CELF2: variants seen among roughly 807,000 people sequenced by gnomAD.
CELF2 encodes the protein CUGBP Elav-like family member 2, also known as CUG triplet repeat RNA-binding protein 2.
In CELF2, 8 loss-of-function variants were observed where a neutral mutation model predicts 62.6. That is an observed-to-expected ratio of 0.13 (90% CI 0.07 to 0.23). The LOEUF (loss-of-function observed/expected upper bound fraction) is 0.23, where lower values mean the gene tolerates loss of function less well. CELF2 is among the 10% of genes least tolerant of loss of function. The pLI, the probability that CELF2 is intolerant of heterozygous loss-of-function variation, is 1.00. For synonymous variants in CELF2, 258 were observed against 250.0 expected (o/e 1.03, Z -0.30); for missense variants, 333 against 671.0 (o/e 0.50, Z 5.56).
At chr10:10,557,440 T>C in the CELF2 span, among the ~76,000 whole-genome samples, 1 of 142,384 alleles carries the variant, frequency 7.0e-6, no homozygotes, top group Non-Finnish European at 1.5e-5. Flanking sequence ...ACTGTAGCCT[T>C]GCAGTAAAGT....
the CELF2 span, among the ~76,000 whole-genome samples, chr10:10,679,993 T>C: frequency 6.6e-6 from 1 of 152,270 alleles, no homozygotes; most frequent in East Asian, 1.9e-4. Context: ...GAAGAGTATA[T>C]AAAATGTATA....
the CELF2 span, among the ~76,000 whole-genome samples, chr10:10,730,071 A>T: frequency 5.3e-5 from 8 of 152,200 alleles, no homozygotes; most frequent in African/African-American, 1.9e-4. Flanking sequence ...AGATTACGGA[A>T]GTTCTGGAAA....
the CELF2 span, among the ~76,000 whole-genome samples, chr10:10,499,578 G>A: frequency 3.9e-5 from 6 of 152,208 alleles, no homozygotes; most frequent in South Asian, 1.2e-3. Flanking sequence ...CTGGGATGAT[G>A]TGCAGAAATA....
chr10:10,465,099 C>G, the CELF2 span, among the ~76,000 whole-genome samples: 1 of 152,080 alleles, frequency 6.6e-6, no homozygotes, highest in Non-Finnish European at 1.5e-5. Context: ...TACACACAGA[C>G]ATATGGACAA....
At chr10:10,759,140 G>C in the CELF2 span, among the ~76,000 whole-genome samples, 2 of 152,052 alleles carry the variant, frequency 1.3e-5, no homozygotes, top group African/African-American at 4.8e-5. Flanking sequence ...GCATGCAAAT[G>C]CATCATTGAA....
At chr10:10,519,225 G>A in the CELF2 span, among the ~76,000 whole-genome samples, 1 of 152,138 alleles carries the variant, frequency 6.6e-6, no homozygotes, top group Admixed American at 6.6e-5. Context: ...GCAGAGTCGA[G>A]GCTGATCTCT....
the CELF2 span, among the ~76,000 whole-genome samples, chr10:10,593,783 G>T: frequency 6.0e-4 from 91 of 152,346 alleles, no homozygotes; most frequent in South Asian, 0.013. Context: ...GAGATGGACA[G>T]AGCTGGATTT....
At chr10:10,696,830 C>T in the CELF2 span, among the ~76,000 whole-genome samples, 2 of 152,208 alleles carry the variant, frequency 1.3e-5, no homozygotes, top group Admixed American at 1.3e-4. Context: ...AATGCCTTGC[C>T]CTGCTTCGGC....
chr10:10,720,228 G>A, the CELF2 span, among the ~76,000 whole-genome samples: 6 of 152,190 alleles, frequency 3.9e-5, no homozygotes, highest in East Asian at 1.2e-3. Context: ...TAGGCTCATT[G>A]AATTAAATAA....
chr10:10,935,474 T>A (rs1185027092), intron 2 of CELF2: 1 of 152,134 alleles, frequency 6.6e-6, no homozygotes, highest in Non-Finnish European at 1.5e-5. Context: ...GCATAACAGG[T>A]AAGGGAAAAT....
chr10:10,870,549 C>G (rs950184708), intron 1 of CELF2, among the ~76,000 whole-genome samples: 6 of 152,120 alleles, frequency 3.9e-5, no homozygotes, highest in Admixed American at 2.6e-4. Flanking sequence ...GAAGTCAGCC[C>G]TCTGAGACCC....
At chr10:10,493,521 T>G in the CELF2 span, among the ~76,000 whole-genome samples, 3 of 4,108 alleles carry the variant, frequency 7.3e-4, no homozygotes, top group South Asian at 0.17. Context: ...ATTTTGGGCG[T>G]TTTTTTTTTG....
At chr10:10,624,816 C>A in the CELF2 span, among the ~76,000 whole-genome samples, 2 of 152,170 alleles carry the variant, frequency 1.3e-5, no homozygotes, top group East Asian at 3.9e-4. Flanking sequence ...TGAAATAACT[C>A]ATGGATAATC....
At position 11,196,047 on chromosome 10, in the gene CELF2, A is replaced by C. The variant is rs548075086; in HGVS notation, c.272-21378A>C. Among the ~76,000 whole-genome samples, 3 of 151,432 alleles carry C rather than the reference A, an allele frequency of 2.0e-5. No homozygotes were observed. In the South Asian group the frequency reaches 6.2e-4, roughly 32 times the overall value. ...TCAGGCAGGGGAGAAAAAAAAAAAAACTGGTCCCTTGAGAATTACTTTATC... is the reference window on the plus strand; with the variant it reads ...TCAGGCAGGGGAGAAAAAAAAAAAACCTGGTCCCTTGAGAATTACTTTATC... On this transcript the variant is annotated intron_variant, in intron 2 of 12. Coordinates refer to ENST00000633077, the MANE Select transcript of CELF2 (RefSeq NM_001326342.2).
intron 1 of CELF2, among the ~76,000 whole-genome samples, chr10:11,064,516 G>A (rs1594430690): frequency 6.6e-6 from 1 of 152,176 alleles, no homozygotes; most frequent in Admixed American, 6.5e-5. Context: ...CACTGTGGAA[G>A]AAGTAATAGC....
At chr10:10,813,688 C>A (rs2056158737) in intron 1 of CELF2, among the ~76,000 whole-genome samples, 1 of 152,232 alleles carries the variant, frequency 6.6e-6, no homozygotes, top group Admixed American at 6.5e-5. Context: ...AAGGTTTATT[C>A]CAGCAAAACT....
intron 2 of CELF2, among the ~76,000 whole-genome samples, chr10:10,949,799 G>A (rs1187399328): frequency 6.7e-5 from 8 of 120,144 alleles, no homozygotes; most frequent in East Asian, 2.4e-4. Context: ...AGACTGTGTC[G>A]CAAAACAAAA....
the CELF2 span, among the ~76,000 whole-genome samples, chr10:10,717,695 A>G: frequency 6.6e-6 from 1 of 152,222 alleles, no homozygotes; most frequent in African/African-American, 2.4e-5. Flanking sequence ...TAAATGAACA[A>G]CAAATCAAAA....
intron 3 of CELF2, among the ~76,000 whole-genome samples, chr10:11,229,964 A>T (rs10737050): frequency 0.99 from 150,291 of 152,224 alleles, 74,234 homozygotes; most frequent in East Asian, 1. Context: ...GAATGAACCA[A>T]TGTTGACCCC....
Sources: gnomAD v4.1 joint callset for allele counts (sites outside exome capture counted in the v4.1 genomes callset) on GRCh38, gnomAD v4.1.1 for gene constraint, MANE v1.5 for transcripts, NCBI Gene and HGNC (gene_info 2026-07-23, HGNC 2026-07-21) for gene names.